The following EXOC6B variants were observed in gnomAD, a reference collection of about 807,000 sequenced individuals.
EXOC6B encodes SEC15 homolog B.
EXOC6B carries 54 observed loss-of-function variants against 113.5 expected under a neutral mutation model. That is an observed-to-expected ratio of 0.48 (90% CI 0.38 to 0.60). The LOEUF (loss-of-function observed/expected upper bound fraction) is 0.60. Among genes scored for constraint, EXOC6B ranks in the 20% least tolerant of loss-of-function variants. The pLI, the probability that EXOC6B is intolerant of heterozygous loss-of-function variation, is 0.00. For synonymous variants in EXOC6B, 357 were observed against 339.0 expected (o/e 1.05, Z -0.58); for missense variants, 797 against 977.5 (o/e 0.82, Z 2.46).
intron 20 of EXOC6B, among the ~76,000 whole-genome samples, chr2:72,187,117 C>G (rs1477264515): frequency 6.6e-6 from 1 of 152,150 alleles, no homozygotes; most frequent in African/African-American, 2.4e-5. Flanking sequence ...CACCAATTCT[C>G]TGTGAGAATG....
intron 10 of EXOC6B, among the ~76,000 whole-genome samples, 200 bp downstream of exon 10, chr2:72,514,434 G>A (rs900999284): frequency 6.6e-6 from 1 of 151,396 alleles, no homozygotes; most frequent in Non-Finnish European, 1.5e-5. Context: ...AACCAGCAGG[G>A]TGTTCCTTTT....
chr2:72,774,631 G>C (rs959264934), intron 1 of EXOC6B, among the ~76,000 whole-genome samples: 2 of 152,140 alleles, frequency 1.3e-5, no homozygotes, highest in African/African-American at 2.4e-5. Flanking sequence ...ATGTTCACAG[G>C]AGTTTTATTC....
intron 18 of EXOC6B, among the ~76,000 whole-genome samples, chr2:72,401,636 T>TACAC (rs1218879643): frequency 2.1e-5 from 1 of 47,034 alleles, no homozygotes; most frequent in East Asian, 4.2e-4. Flanking sequence ...TATATATATA[T>TACAC]ACATATATAC....
chr2:72,308,444 A>G (rs2104780954), intron 20 of EXOC6B, among the ~76,000 whole-genome samples: 1 of 152,364 alleles, frequency 6.6e-6, no homozygotes, highest in Middle Eastern at 3.4e-3. Flanking sequence ...GGAATGGATA[A>G]GAAGGAATAC....
chr2:72,690,885 T>C (rs1484217770), intron 6 of EXOC6B, among the ~76,000 whole-genome samples: 1 of 152,182 alleles, frequency 6.6e-6, no homozygotes, highest in Non-Finnish European at 1.5e-5. Context: ...TGTGATCTTA[T>C]TTGGAATTAG....
intron 18 of EXOC6B, among the ~76,000 whole-genome samples, chr2:72,382,779 T>A (rs1573002142): frequency 6.6e-6 from 1 of 152,138 alleles, no homozygotes; most frequent in East Asian, 1.9e-4. Flanking sequence ...GTATTTTATT[T>A]TTTTGTATGG....
Position 72,513,157 on chromosome 2 carries a change from G to A in EXOC6B, c.1142C>T (p.Thr381Ile). 6.2e-7 allele frequency: 1 copy of A among 1,613,262 alleles called. No individual in the cohort carries two copies. Among genetic ancestry groups the A allele is most frequent in the East Asian group, 2.2e-5 (1 of 44,852 alleles). The stretch of plus-strand genomic sequence containing the variant: ...CGAGTGGGTACGGAGTGCTGCGATG[G>A]TTTTTGAAAGTGCCATTTCCCACAG... Reference protein sequence around the residue: ...DELWEMALSKTIAALRTHSSY... With the variant: ...DELWEMALSKIIAALRTHSSY... Residue 381 changes from threonine to isoleucine, a missense_variant, in exon 11 of 22, where the codon ACC becomes ATC. Coordinates refer to ENST00000272427, the MANE Select transcript of EXOC6B (RefSeq NM_015189.3).
intron 17 of EXOC6B, among the ~76,000 whole-genome samples, chr2:72,474,344 A>C (rs772647285): frequency 6.6e-6 from 1 of 152,158 alleles, no homozygotes; most frequent in Non-Finnish European, 1.5e-5. Flanking sequence ...CTCTTACTGC[A>C]TTAAGTAAGT....
intron 1 of EXOC6B, among the ~76,000 whole-genome samples, chr2:72,819,011 T>C (rs1023001443): frequency 4.6e-5 from 7 of 152,202 alleles, no homozygotes; most frequent in African/African-American, 1.7e-4. Flanking sequence ...CTCCGGACTC[T>C]ATAAGCTCAA....
chr2:72,505,846 T>C (rs1700568566), intron 11 of EXOC6B, among the ~76,000 whole-genome samples: 3 of 152,106 alleles, frequency 2.0e-5, no homozygotes, highest in Non-Finnish European at 4.4e-5. Flanking sequence ...TTACCATAAG[T>C]TTATTGTGCA....
intron 20 of EXOC6B, among the ~76,000 whole-genome samples, chr2:72,292,250 C>A (rs553956567): frequency 6.8e-6 from 1 of 146,718 alleles, no homozygotes; most frequent in South Asian, 2.2e-4. Flanking sequence ...GAAGATCTAC[C>A]AGGTTTGATA....
chr2:72,387,026 G>C (rs1036587849), intron 18 of EXOC6B, among the ~76,000 whole-genome samples: 1 of 152,010 alleles, frequency 6.6e-6, no homozygotes, highest in African/African-American at 2.4e-5. Flanking sequence ...ATTTCTTATA[G>C]ATATCCTTTA....
rs145441696 is a variant in EXOC6B at position 72,339,329 on chromosome 2, C to G, written c.2123-4309G>C. On this transcript the variant is annotated intron_variant, in intron 19 of 21. Coordinates refer to ENST00000272427, the MANE Select transcript of EXOC6B (RefSeq NM_015189.3). ...ATACATAGGTCACAATGGAAATTCG[C>G]TTTGTGGACTTATCTTTGCAATCCA... Among the ~76,000 whole-genome samples, 87 of 152,210 alleles carry G rather than the reference C, an allele frequency of 5.7e-4. 3 individuals carry two copies. In the East Asian group the frequency reaches 0.011, roughly 20 times the overall value.
chr2:72,744,700 T>C (rs1170252267), intron 1 of EXOC6B, among the ~76,000 whole-genome samples: 2 of 152,200 alleles, frequency 1.3e-5, no homozygotes, highest in Non-Finnish European at 1.5e-5. Flanking sequence ...CTAAGTTAAA[T>C]GGCAAGTATA....
intron 1 of EXOC6B, among the ~76,000 whole-genome samples, chr2:72,781,428 G>A (rs1261223845): frequency 6.6e-6 from 1 of 152,172 alleles, no homozygotes; most frequent in Non-Finnish European, 1.5e-5. Context: ...TCCTTACTCT[G>A]AGAAGCAGCC....
chr2:72,501,988 A>G (rs1422975569), intron 11 of EXOC6B, among the ~76,000 whole-genome samples: 12 of 151,860 alleles, frequency 7.9e-5, no homozygotes, highest in Non-Finnish European at 1.3e-4. Flanking sequence ...GTCTCAAACT[A>G]CTGGGCTCAA....
At chr2:72,455,848 A>G (rs762634138) in intron 18 of EXOC6B, among the ~76,000 whole-genome samples, 2 of 152,122 alleles carry the variant, frequency 1.3e-5, no homozygotes, top group Non-Finnish European at 2.9e-5. Flanking sequence ...AGAGAGAAAC[A>G]GAGAGGGAGA....
At chr2:72,185,505 C>T (rs1287587393) in intron 20 of EXOC6B, among the ~76,000 whole-genome samples, 1 of 152,226 alleles carries the variant, frequency 6.6e-6, no homozygotes, top group African/African-American at 2.4e-5. Context: ...CCTATACCCT[C>T]AGCCAAGAAA....
intron 20 of EXOC6B, among the ~76,000 whole-genome samples, chr2:72,292,855 T>TA (rs1302396539): frequency 6.6e-6 from 1 of 152,192 alleles, no homozygotes; most frequent in Non-Finnish European, 1.5e-5. Flanking sequence ...TCCAAGTTTT[T>TA]ACCAATAGCT....
Sources: allele counts gnomAD v4.1 joint callset (sites outside exome capture counted in the v4.1 genomes callset), GRCh38; gene constraint gnomAD v4.1.1; transcripts MANE v1.5; gene names NCBI Gene and HGNC (gene_info 2026-07-23, HGNC 2026-07-21).